PRPS2: variants seen among roughly 807,000 people sequenced by gnomAD.
The protein encoded by PRPS2 is ribose-phosphate pyrophosphokinase 2.
For synonymous variants in PRPS2, 111 were observed against 115.3 expected, an observed-to-expected ratio of 0.96 and a Z score of 0.24; for missense variants, 104 against 271.5, an observed-to-expected ratio of 0.38 and a Z score of 4.34.
At chrX:12,812,686 G>A (rs775096724) in intron 4 of PRPS2, among the ~76,000 whole-genome samples, 2 of 112,078 alleles carry the variant, frequency 1.8e-5, no homozygotes, top group South Asian at 7.5e-4. Context: ...CATTTAAAGT[G>A]TACAGTTCAG....
At chrX:12,802,942 G>A (rs996737297) in intron 2 of PRPS2, among the ~76,000 whole-genome samples, 3 of 112,105 alleles carry the variant, frequency 2.7e-5, no homozygotes, top group African/African-American at 9.7e-5. Context: ...GACAGTGTGT[G>A]TAGTGGCTTA....
Position 12,820,773 on chromosome X carries a change from G to A in PRPS2, c.834G>A (p.Glu278=), listed in dbSNP as rs1230145162. Residue 278 remains glutamate, a synonymous_variant, in exon 6 of 7, where the codon GAG becomes GAA. Transcript: ENST00000380668. ...AVVVTNTIPQ[E]DKMKHCTKIQ... ...TCGTCACAAACACAATTCCGCAAGA[G>A]GACAAAATGAAACACTGCACCAAGA... The A allele has an allele frequency of 1.7e-6, 2 of 1,209,057 alleles. No individual in the cohort carries two copies. The highest frequency in any genetic ancestry group is 2.2e-5 in the Admixed American group (1 of 45,560).
chrX:12,803,384 C>T (rs746750673), intron 2 of PRPS2, among the ~76,000 whole-genome samples: 35 of 112,717 alleles, frequency 3.1e-4, no homozygotes, highest in African/African-American at 1.1e-3. Context: ...AACTTCTGGG[C>T]TCAAGTGATC....
rs1202634641 is a variant in PRPS2 at position 12,809,158 on chromosome X, C to G, written c.307-76C>G. On this transcript the variant is annotated intron_variant, in intron 2 of 6. Coordinates refer to ENST00000380668, the MANE Select transcript of PRPS2 (RefSeq NM_002765.5). Reference sequence around the variant, plus strand: ...TTGATTGCATCTATGATTTATCCTTCTCATGTACGTCTTAGTGGGAGGAAT... The same window carrying G: ...TTGATTGCATCTATGATTTATCCTTGTCATGTACGTCTTAGTGGGAGGAAT... 3.2e-6 allele frequency: 3 copies of G among 925,125 alleles called. No homozygotes were observed. The Admixed American group carries it at 8.5e-5, about 26-fold the overall frequency. 76.2% of individuals were successfully genotyped at this position (925,125 alleles called of 1,213,427 possible).
chrX:12,809,779 T>C (rs2042613698), intron 3 of PRPS2, among the ~76,000 whole-genome samples: 1 of 112,336 alleles, frequency 8.9e-6, no homozygotes, highest in African/African-American at 3.2e-5. Flanking sequence ...TTCCTCAGAA[T>C]ATAGGCCATC....
At chrX:12,801,956 A>G (rs968152330) in intron 2 of PRPS2, among the ~76,000 whole-genome samples, 12 of 111,980 alleles carry the variant, frequency 1.1e-4, no homozygotes, top group African/African-American at 3.6e-4. Context: ...TAGATTTTAT[A>G]TTTTGTATTT....
At position 12,819,620 on chromosome X, in the gene PRPS2, T is replaced by C. The variant is rs771542268; in HGVS notation, c.644T>C (p.Val215Ala). The change falls in exon 5 of 7, where the codon GTG (valine) becomes GCG (alanine). Residue 215 changes from valine (V) to alanine (A), a missense_variant. Coordinates refer to ENST00000380668, the MANE Select transcript of PRPS2 (RefSeq NM_002765.5). ...CTGGTGGGCGACGTGAAGGACCGTG[T>C]GGCCATCCTCGTGGATGACATGGCT... Reference protein sequence around the residue: ...MVLVGDVKDRVAILVDDMADT... With the variant: ...MVLVGDVKDRAAILVDDMADT... 8.3e-7 allele frequency: 1 copy of C among 1,211,857 alleles called. No individual in the cohort carries two copies. The highest frequency in any genetic ancestry group is 2.2e-5 in the Admixed American group (1 of 46,076).
intron 2 of PRPS2, among the ~76,000 whole-genome samples, chrX:12,802,568 G>C (rs1187655738): frequency 9.0e-6 from 1 of 111,008 alleles, no homozygotes; most frequent in African/African-American, 3.3e-5. Flanking sequence ...CGAACTCCTG[G>C]CCTCAAGTGA....
rs764841614 is a variant in PRPS2, at chrX:12,802,325, GTGTTTTGTTTTGTTT to G, written c.306+2956_306+2970del. ...TCTGGAACTCCAGTGGCTATAACTT[GTGTTTTGTTTTGTTT>G]TGTTTTGTTTTGTTTTGTTTGAGAT... On this transcript the variant is annotated intron_variant, in intron 2 of 6. Transcript: ENST00000380668. Among the ~76,000 whole-genome samples, 17 of 110,131 alleles carry G rather than the reference GTGTTTTGTTTTGTTT, an allele frequency of 1.5e-4. No individual in the cohort carries two copies. The South Asian group carries it at 4.2e-3, about 27-fold the overall frequency.
chrX:12,819,668 A>T lies in PRPS2; in HGVS notation c.692A>T (p.His231Leu). Residue 231 changes from histidine to leucine, a missense_variant, in exon 5 of 7, where the codon CAT becomes CTT. His to Leu is a moderately conservative substitution (Grantham distance 99). Transcript: ENST00000380668. Reference protein sequence around the residue: ...DMADTCGTICHAADKLLSAGA... With the variant: ...DMADTCGTICLAADKLLSAGA... The stretch of plus-strand genomic sequence containing the variant: ...GCTGACACTTGCGGCACCATCTGCC[A>T]TGCTGCGGACAAGTACGCAGGGCGG... 6.6e-6 allele frequency: 8 copies of T among 1,211,277 alleles called. No individual in the cohort carries two copies. Among genetic ancestry groups the T allele is most frequent in the Non-Finnish European group, 8.9e-6 (8 of 895,083 alleles).
chrX:12,809,435 G>A, intron 3 of PRPS2, 103 bp downstream of exon 3: 1 of 821,368 alleles, frequency 1.2e-6, no homozygotes, highest in Non-Finnish European at 1.7e-6. Context: ...CTACTCTCTT[G>A]GATTTTTGTC....
intron 2 of PRPS2, among the ~76,000 whole-genome samples, chrX:12,801,413 A>G (rs1396767009): frequency 1.8e-5 from 2 of 111,035 alleles, no homozygotes; most frequent in Non-Finnish European, 3.8e-5. Flanking sequence ...TTAAATTTCA[A>G]TTTTCTAATT....
intron 4 of PRPS2, among the ~76,000 whole-genome samples, chrX:12,816,878 T>C (rs1164610734): frequency 9.0e-6 from 1 of 111,600 alleles, no homozygotes; most frequent in African/African-American, 3.3e-5. Flanking sequence ...AAAGGCAGTT[T>C]TGCTGAGTAT....
At chrX:12,815,933 G>A (rs750650750) in intron 4 of PRPS2, among the ~76,000 whole-genome samples, 45 of 111,831 alleles carry the variant, frequency 4.0e-4, no homozygotes, top group African/African-American at 1.4e-3. Context: ...GTGAGCCACC[G>A]TGCCTGGCTG....
At chrX:12,797,834 C>T (rs987587135) in intron 1 of PRPS2, among the ~76,000 whole-genome samples, 1 of 112,406 alleles carries the variant, frequency 8.9e-6, no homozygotes, top group Non-Finnish European at 1.9e-5. Context: ...CCTGGAAATA[C>T]AGAAACTTCC....
intron 1 of PRPS2, among the ~76,000 whole-genome samples, chrX:12,792,221 A>T (rs1176410864): frequency 8.9e-6 from 1 of 111,988 alleles, no homozygotes; most frequent in African/African-American, 3.3e-5. Context: ...GCGATTTTAC[A>T]AGCTTCCCTG....
chrX:12,799,166 A>G, intron 1 of PRPS2, 41 bp from the exon 2 acceptor site: 3 of 1,183,836 alleles, frequency 2.5e-6, no homozygotes, highest in Non-Finnish European at 3.4e-6. Flanking sequence ...CAAGATGCAA[A>G]TATGCTTCGA....
chrX:12,794,058 G>C (rs934078692), intron 1 of PRPS2, among the ~76,000 whole-genome samples: 3 of 112,357 alleles, frequency 2.7e-5, no homozygotes, highest in African/African-American at 9.7e-5. Context: ...AGTTATACAA[G>C]GTTATCGGTT....
At chrX:12,811,716 C>T (rs1424437760) in intron 4 of PRPS2, among the ~76,000 whole-genome samples, 2 of 111,961 alleles carry the variant, frequency 1.8e-5, no homozygotes, top group African/African-American at 6.5e-5. Context: ...TGCCTGCAGC[C>T]CAGCTGAGGA....
Sources: allele counts gnomAD v4.1 joint callset (sites outside exome capture counted in the v4.1 genomes callset), GRCh38; gene constraint gnomAD v4.1.1; transcripts MANE v1.5; gene names NCBI Gene and HGNC (gene_info 2026-07-23, HGNC 2026-07-21).